Variants in SPATA17 observed in about 807,000 individuals in gnomAD.
The protein encoded by SPATA17 is spermatogenesis-associated protein 17.
A neutral mutation model predicts 62.2 loss-of-function variants in SPATA17; 53 were observed. The ratio of observed to expected loss-of-function variants is 0.85; its 90% CI spans 0.68 to 1.07. SPATA17 has a LOEUF of 1.07. SPATA17 is among the 50% of genes least tolerant of loss of function. The pLI, the probability that SPATA17 is intolerant of heterozygous loss-of-function variation, is 0.00. For synonymous variants in SPATA17, 146 were observed against 146.8 expected (o/e 0.99, Z 0.04); for missense variants, 466 against 425.5 (o/e 1.10, Z -0.84).
intron 9 of SPATA17, among the ~76,000 whole-genome samples, chr1:217,806,237 C>T (rs1674433245): frequency 6.6e-6 from 1 of 152,212 alleles, no homozygotes; most frequent in South Asian, 2.1e-4. Flanking sequence ...TCTGGGATGG[C>T]AGGGTCACCC....
chr1:217,644,300 T>A (rs1014356458), intron 1 of SPATA17, among the ~76,000 whole-genome samples: 5 of 152,190 alleles, frequency 3.3e-5, no homozygotes, highest in African/African-American at 1.2e-4. Context: ...ATTAGGCACA[T>A]GAGTGATAAT....
chr1:217,713,590 C>T (rs368505144), intron 5 of SPATA17, among the ~76,000 whole-genome samples: 2 of 152,150 alleles, frequency 1.3e-5, no homozygotes, highest in African/African-American at 2.4e-5. Flanking sequence ...ACCTGTGCTT[C>T]GTACCTACAA....
intron 10 of SPATA17, among the ~76,000 whole-genome samples, chr1:217,863,643 T>C (rs1362622097): frequency 6.6e-6 from 1 of 152,104 alleles, no homozygotes; most frequent in Non-Finnish European, 1.5e-5. Context: ...GTTTAGAAGA[T>C]ATATAAGAAT....
intron 1 of SPATA17, among the ~76,000 whole-genome samples, chr1:217,642,359 G>A (rs1366929054): frequency 6.6e-6 from 1 of 151,960 alleles, no homozygotes. Flanking sequence ...ATTTTATTCA[G>A]TGGGTTAAAA....
intron 3 of SPATA17, among the ~76,000 whole-genome samples, chr1:217,656,071 A>G (rs1670435754): frequency 1.3e-5 from 2 of 151,774 alleles, no homozygotes; most frequent in African/African-American, 4.8e-5. Context: ...TTTAGTAGAG[A>G]TGGGGTTTCA....
At chr1:217,700,762 C>CTTTTTTTTTT (rs71556698) in intron 5 of SPATA17, among the ~76,000 whole-genome samples, 27 of 134,740 alleles carry the variant, frequency 2.0e-4, no homozygotes, top group Non-Finnish European at 2.8e-4. Context: ...TTTTCTTTTT[C>CTTTTTTTTTT]TTTTTTTTTT....
intron 3 of SPATA17, among the ~76,000 whole-genome samples, chr1:217,668,430 A>G (rs986433002): frequency 6.6e-6 from 1 of 152,182 alleles, no homozygotes; most frequent in African/African-American, 2.4e-5. Context: ...CTGTAACATG[A>G]TATCATTGTA....
chr1:217,676,632 A>G (rs1426693395), intron 4 of SPATA17, among the ~76,000 whole-genome samples: 2 of 152,172 alleles, frequency 1.3e-5, no homozygotes, highest in Non-Finnish European at 1.5e-5. Flanking sequence ...TTTATGGGAA[A>G]TATTTGTTCC....
intron 9 of SPATA17, among the ~76,000 whole-genome samples, chr1:217,861,405 T>A (rs565221187): frequency 1.6e-3 from 202 of 129,104 alleles, no homozygotes; most frequent in African/African-American, 5.2e-3. Context: ...ATATATATAT[T>A]TATAAAAATA....
rs1473766580 is a variant in SPATA17, at chr1:217,801,784, G to C, written c.939G>C (p.Lys313Asn). 6.2e-7 allele frequency: 1 copy of C among 1,611,624 alleles called. No individual in the cohort carries two copies. Among genetic ancestry groups the C allele is most frequent in the Non-Finnish European group, 8.5e-7 (1 of 1,178,998 alleles). ...TCCCATCAATGCATTTATCAAGCAA[G>C]TATGGTCCTATTTCTTACAAAGAAC... ...KYIPSMHLSS[K>N]YGPISYKEQF... Residue 313 changes from lysine (K) to asparagine (N), a missense_variant, in exon 9 of 11, where the codon AAG (lysine) becomes AAC (asparagine). Coordinates refer to ENST00000366933, the MANE Select transcript of SPATA17 (RefSeq NM_138796.4).
In SPATA17 at chr1:217,868,731, G is replaced by A. The variant is rs1676071397; in HGVS notation, c.*1712G>A. 7.1e-6 allele frequency: 1 copy of A among 141,566 alleles called. No individual in the cohort carries two copies. The highest frequency in any genetic ancestry group is 1.5e-5 in the Non-Finnish European group (1 of 66,362). The allele number at this position is 141,566 out of a possible 1,614,324, so 8.8% of individuals were successfully genotyped here. On this transcript the variant is annotated 3_prime_UTR_variant, in exon 11 of 11. Transcript: ENST00000366933. ...GTCTCATTCTGTCACCCAGGTTGGA[G>A]TGCAGTGGCATGAACTCAGCTCACT...
At chr1:217,703,245 A>G (rs1372042864) in intron 5 of SPATA17, among the ~76,000 whole-genome samples, 2 of 145,310 alleles carry the variant, frequency 1.4e-5, no homozygotes, top group Non-Finnish European at 3.0e-5. Flanking sequence ...ATCTCAGCTC[A>G]CTGCAACCTC....
In SPATA17 at chr1:217,867,870, T is replaced by C. The variant is rs924472476; in HGVS notation, c.*851T>C. ...TCTGAAGAGAATAACACTAAACTTA[T>C]TGCATATGATTTGGGGGTTGGATCC... On this transcript the variant is annotated 3_prime_UTR_variant, in exon 11 of 11. Coordinates refer to ENST00000366933, the MANE Select transcript of SPATA17 (RefSeq NM_138796.4). 2 of 152,160 alleles carry C rather than the reference T, an allele frequency of 1.3e-5. No individual in the cohort carries two copies. Among genetic ancestry groups the C allele is most frequent in the Non-Finnish European group, 2.9e-5 (2 of 68,024 alleles). The allele number at this position is 152,160 out of a possible 1,614,324, so 9.4% of individuals were successfully genotyped here.
intron 9 of SPATA17, chr1:217,850,681 C>T: frequency 6.9e-7 from 1 of 1,458,462 alleles, no homozygotes; most frequent in Non-Finnish European, 9.5e-7. Context: ...CCAGTCATGT[C>T]CAGCCACAGG....
At chr1:217,699,619 A>T (rs1671546075) in intron 5 of SPATA17, among the ~76,000 whole-genome samples, 1 of 152,110 alleles carries the variant, frequency 6.6e-6, no homozygotes, top group African/African-American at 2.4e-5. Context: ...TTTGTCAAAT[A>T]TGTGGTTTGA....
At chr1:217,715,234 A>G (rs1462046601) in intron 5 of SPATA17, among the ~76,000 whole-genome samples, 1 of 152,202 alleles carries the variant, frequency 6.6e-6, no homozygotes, top group African/African-American at 2.4e-5. Flanking sequence ...TCTTCACCGT[A>G]TTAACAGATG....
intron 9 of SPATA17, among the ~76,000 whole-genome samples, chr1:217,827,410 G>T (rs914827042): frequency 8.6e-5 from 13 of 151,672 alleles, no homozygotes; most frequent in Middle Eastern, 3.2e-3. Flanking sequence ...AAATAGGAAT[G>T]CTTTTACACT....
At chr1:217,682,032 C>T (rs1252242581) in intron 4 of SPATA17, among the ~76,000 whole-genome samples, 2 of 151,766 alleles carry the variant, frequency 1.3e-5, no homozygotes, top group African/African-American at 2.4e-5. Flanking sequence ...ATTTATGATA[C>T]GTGAGTCATT....
chr1:217,735,573 A>G (rs960577912), intron 5 of SPATA17, among the ~76,000 whole-genome samples: 8 of 152,226 alleles, frequency 5.3e-5, no homozygotes, highest in African/African-American at 1.9e-4. Flanking sequence ...CAAGTCATGC[A>G]TGCATACCTA....
Sources: gnomAD v4.1 joint callset for allele counts (sites outside exome capture counted in the v4.1 genomes callset) on GRCh38, gnomAD v4.1.1 for gene constraint, MANE v1.5 for transcripts, NCBI Gene and HGNC (gene_info 2026-07-23, HGNC 2026-07-21) for gene names.